The following DLGAP2 variants were observed in gnomAD, a reference collection of about 807,000 sequenced individuals.
The protein encoded by DLGAP2 is disks large-associated protein 2.
A neutral mutation model predicts 100.3 loss-of-function variants in DLGAP2; 26 were observed. That is an observed-to-expected ratio of 0.26 (90% confidence interval 0.19 to 0.36). DLGAP2 has a LOEUF of 0.36. DLGAP2 is among the 10% of genes least tolerant of loss of function. The pLI, the probability that DLGAP2 is intolerant of heterozygous loss-of-function variation, is 1.00. For synonymous variants in DLGAP2, 886 were observed against 630.1 expected, an observed-to-expected ratio of 1.41 and a Z score of -6.08; for missense variants, 1,858 against 1,453.2, an observed-to-expected ratio of 1.28 and a Z score of -4.53.
chr8:1,148,499 A>G (rs1050946863), intron 2 of DLGAP2, among the ~76,000 whole-genome samples: 1 of 151,912 alleles, frequency 6.6e-6, no homozygotes, highest in Non-Finnish European at 1.5e-5. Context: ...TTAATTTCCT[A>G]TCCTTATTCT....
intron 13 of DLGAP2, among the ~76,000 whole-genome samples, chr8:1,693,822 G>A (rs1384954394): frequency 2.0e-5 from 3 of 152,162 alleles, no homozygotes; most frequent in Non-Finnish European, 2.9e-5. Context: ...TGAGTGCCTC[G>A]AAAGAAGCCT....
intron 6 of DLGAP2, among the ~76,000 whole-genome samples, chr8:1,591,561 C>G (rs897586849): frequency 6.8e-6 from 1 of 147,440 alleles, no homozygotes; most frequent in African/African-American, 2.5e-5. Context: ...CACTGTTCAC[C>G]CCTGCAGCCT....
intron 3 of DLGAP2, among the ~76,000 whole-genome samples, chr8:1,388,924 G>A (rs1796281927): frequency 7.3e-6 from 1 of 136,788 alleles, no homozygotes; most frequent in Non-Finnish European, 1.6e-5. Flanking sequence ...CCGTGGATGA[G>A]GAAGCGCTGG....
At chr8:983,977 A>G (rs1003895408) in intron 2 of DLGAP2, among the ~76,000 whole-genome samples, 1 of 152,094 alleles carries the variant, frequency 6.6e-6, no homozygotes, top group Non-Finnish European at 1.5e-5. Flanking sequence ...GTGCCTTGCT[A>G]TTCCAGGATT....
At chr8:761,717 GCCCGAAACGCGGAGCCAGCT>G (rs1249436191) in intron 1 of DLGAP2, among the ~76,000 whole-genome samples, 1 of 152,154 alleles carries the variant, frequency 6.6e-6, no homozygotes, top group Non-Finnish European at 1.5e-5. Flanking sequence ...CTAGAAGACG[GCCCGAAACGCGGAGCCAGCT>G]CCCTCTATCC....
At chr8:1,360,367 C>G (rs1801956057) in intron 3 of DLGAP2, among the ~76,000 whole-genome samples, 1 of 151,988 alleles carries the variant, frequency 6.6e-6, no homozygotes, top group South Asian at 2.1e-4. Context: ...CAGGGTGCAG[C>G]TAGAGGCTTT....
intron 8 of DLGAP2, among the ~76,000 whole-genome samples, chr8:1,652,797 G>A (rs915745272): frequency 6.6e-6 from 1 of 151,732 alleles, no homozygotes; most frequent in Non-Finnish European, 1.5e-5. Flanking sequence ...ACAGTAATGA[G>A]ACCAGCTGGC....
At chr8:1,481,608 G>T (rs1250046710) in intron 3 of DLGAP2, among the ~76,000 whole-genome samples, 1 of 148,544 alleles carries the variant, frequency 6.7e-6, no homozygotes, top group East Asian at 2.1e-4. Flanking sequence ...CCTCCTGAAT[G>T]GCTGGGATTA....
chr8:1,461,705 G>A (rs1486816351), intron 3 of DLGAP2, among the ~76,000 whole-genome samples: 40 of 45,230 alleles, frequency 8.8e-4, no homozygotes, highest in East Asian at 2.9e-3. Flanking sequence ...TCGCTGATTC[G>A]GTGACCAGGA....
At chr8:772,015 G>C (rs996660546) in intron 1 of DLGAP2, among the ~76,000 whole-genome samples, 42 of 152,038 alleles carry the variant, frequency 2.8e-4, no homozygotes, top group African/African-American at 1.0e-3. Context: ...CGATCCTCTT[G>C]CCTCAGCCTC....
chr8:1,273,685 C>T (rs1799627813), intron 3 of DLGAP2, among the ~76,000 whole-genome samples: 3 of 152,194 alleles, frequency 2.0e-5, no homozygotes, highest in Admixed American at 2.0e-4. Flanking sequence ...TGAATTTAAT[C>T]CAAATTCTCC....
intron 3 of DLGAP2, among the ~76,000 whole-genome samples, 187 bp from the exon 4 acceptor site, chr8:1,501,179 A>C (rs2130322165): frequency 6.6e-6 from 1 of 152,318 alleles, no homozygotes; most frequent in East Asian, 1.9e-4. Context: ...TGCTTTACAG[A>C]AAACACTGGT....
chr8:1,435,660 C>G lies in DLGAP2; in HGVS notation c.107-65706C>G, dbSNP rs144983004. On this transcript the variant is annotated intron_variant, in intron 3 of 14. Coordinates refer to ENST00000637795, the MANE Select transcript of DLGAP2 (RefSeq NM_001346810.2). ...CCTTCTGCTTGTGGAAAACCATTAT[C>G]TGTAAAGAGCCCTGGGCCAGTCCTT... Among the ~76,000 whole-genome samples, 41 of 151,758 alleles carry G rather than the reference C, an allele frequency of 2.7e-4. 1 individual carries two copies. Among genetic ancestry groups the G allele is most frequent in the Non-Finnish European group, 5.9e-5 (4 of 68,006 alleles).
intron 2 of DLGAP2, among the ~76,000 whole-genome samples, chr8:1,227,747 G>C (rs1798451877): frequency 6.6e-6 from 1 of 152,108 alleles, no homozygotes. Context: ...TCAGGGATGG[G>C]GTAGAGAGAG....
chr8:837,116 A>G (rs1306996280), intron 1 of DLGAP2, among the ~76,000 whole-genome samples: 1 of 152,166 alleles, frequency 6.6e-6, no homozygotes, highest in Non-Finnish European at 1.5e-5. Flanking sequence ...CAGCATCTCC[A>G]TGTTCCCATC....
intron 2 of DLGAP2, among the ~76,000 whole-genome samples, chr8:1,017,761 G>T (rs1801508613): frequency 6.6e-6 from 1 of 152,192 alleles, no homozygotes; most frequent in Non-Finnish European, 1.5e-5. Flanking sequence ...GCCTGCCGTG[G>T]GCGGGTAGAC....
intron 3 of DLGAP2, among the ~76,000 whole-genome samples, chr8:1,314,379 A>G (rs918634031): frequency 1.3e-5 from 2 of 152,202 alleles, no homozygotes; most frequent in African/African-American, 4.8e-5. Context: ...GGAAGTGCAT[A>G]TTCTGTCACA....
intron 2 of DLGAP2, among the ~76,000 whole-genome samples, chr8:1,046,975 A>G (rs1008561140): frequency 6.6e-6 from 1 of 152,096 alleles, no homozygotes; most frequent in Non-Finnish European, 1.5e-5. Context: ...TTTTTTAATA[A>G]TACAGCTTTA....
At chr8:1,604,241 G>A (rs1796722204) in intron 6 of DLGAP2, among the ~76,000 whole-genome samples, 1 of 152,216 alleles carries the variant, frequency 6.6e-6, no homozygotes. Flanking sequence ...ATGCACTGGA[G>A]TTTGCTGAAA....
Sources: allele counts gnomAD v4.1 joint callset (sites outside exome capture counted in the v4.1 genomes callset), GRCh38; gene constraint gnomAD v4.1.1; transcripts MANE v1.5; gene names NCBI Gene and HGNC (gene_info 2026-07-23, HGNC 2026-07-21).